TBXAS1: variants seen among roughly 807,000 people sequenced by gnomAD.
The protein encoded by TBXAS1 is thromboxane A synthase 1.
TBXAS1 carries 48 observed loss-of-function variants against 60.7 expected under a neutral mutation model. The ratio of observed to expected loss-of-function variants is 0.79; its 90% CI spans 0.63 to 1.01. TBXAS1 has a LOEUF of 1.01. Among genes scored for constraint, TBXAS1 ranks in the 50% least tolerant of loss-of-function variants. The probability of loss-of-function intolerance (pLI) is 0.00; values close to 1 mark genes in which losing one functional copy is unlikely to be tolerated. For synonymous variants in TBXAS1, 287 were observed against 269.7 expected (o/e 1.06, Z -0.63); for missense variants, 685 against 686.3 (o/e 1.00, Z 0.02).
intron 3 of TBXAS1, among the ~76,000 whole-genome samples, chr7:139,877,511 C>T (rs1802335991): frequency 7.2e-6 from 1 of 139,286 alleles, no homozygotes; most frequent in African/African-American, 2.7e-5. Flanking sequence ...CAACCTCTGC[C>T]TCCTGAGCTC....
intron 3 of TBXAS1, among the ~76,000 whole-genome samples, chr7:139,783,891 C>G (rs553394534): frequency 2.3e-4 from 35 of 152,182 alleles, no homozygotes; most frequent in African/African-American, 8.4e-4. Flanking sequence ...TTTCTTAGCC[C>G]CTCCCCTGCT....
chr7:139,790,641 G>A (rs761141647), intron 4 of TBXAS1, among the ~76,000 whole-genome samples: 9 of 152,160 alleles, frequency 5.9e-5, no homozygotes, highest in Admixed American at 1.3e-4. Flanking sequence ...ATAGTAATAA[G>A]CAAAAATTCA....
At chr7:139,926,487 T>C (rs1360446853) in intron 4 of TBXAS1, among the ~76,000 whole-genome samples, 1 of 152,194 alleles carries the variant, frequency 6.6e-6, no homozygotes, top group Admixed American at 6.5e-5. Context: ...CATCTCTTTT[T>C]TCATCTCTGA....
chr7:139,871,008 G>T (rs1801783049), intron 1 of TBXAS1, among the ~76,000 whole-genome samples: 1 of 152,192 alleles, frequency 6.6e-6, no homozygotes, highest in African/African-American at 2.4e-5. Context: ...AGAATCACTT[G>T]AGCCCAGGAG....
At chr7:139,897,308 A>C (rs998426203) in intron 3 of TBXAS1, among the ~76,000 whole-genome samples, 1 of 123,294 alleles carries the variant, frequency 8.1e-6, no homozygotes, top group Admixed American at 1.0e-4. Context: ...TTCAGTCGGT[A>C]TGATCAGGAT....
intron 9 of TBXAS1, among the ~76,000 whole-genome samples, chr7:140,006,460 A>G (rs1814084716): frequency 6.6e-6 from 1 of 152,160 alleles, no homozygotes; most frequent in Non-Finnish European, 1.5e-5. Context: ...TGCAAATGGA[A>G]TCTCATTGGA....
intron 3 of TBXAS1, among the ~76,000 whole-genome samples, chr7:139,894,650 G>A (rs555274714): frequency 1.3e-5 from 2 of 152,106 alleles, no homozygotes; most frequent in Non-Finnish European, 2.9e-5. Context: ...TTCTACCATC[G>A]GTTCTCCATT....
intron 4 of TBXAS1, 77 bp downstream of exon 4, chr7:139,911,398 G>A (rs1805509396): frequency 7.7e-7 from 1 of 1,296,010 alleles, no homozygotes; most frequent in African/African-American, 1.5e-5. Flanking sequence ...AGATCCAATG[G>A]GGATGCAATC....
chr7:139,962,687 C>A, intron 9 of TBXAS1: 1 of 212,864 alleles, frequency 4.7e-6, no homozygotes, highest in South Asian at 7.4e-5. Context: ...AGACTGGAAG[C>A]TGAGGAGGAG....
chr7:139,869,423 T>A (rs1801660503), intron 1 of TBXAS1, among the ~76,000 whole-genome samples: 2 of 152,092 alleles, frequency 1.3e-5, no homozygotes. Flanking sequence ...AGTCTCACTC[T>A]GTCACCCAGG....
In TBXAS1 at chr7:139,908,065, C is replaced by T. The variant is rs1257257321; in HGVS notation, c.237-3160C>T. Among the ~76,000 whole-genome samples the T allele has an allele frequency of 4.0e-5, 6 of 151,712 alleles. No individual in the cohort carries two copies. In the South Asian group the frequency reaches 6.2e-4, roughly 16 times the overall value. ...CTCTTTTATCTTTGTTAGTCTTGTT[C>T]GAGGTTTATCCATTTTATTGATATT... On this transcript the variant is annotated intron_variant, in intron 3 of 12. Coordinates refer to ENST00000448866, the MANE Select transcript of TBXAS1 (RefSeq NM_001061.7).
intron 3 of TBXAS1, among the ~76,000 whole-genome samples, chr7:139,889,506 G>A (rs112863525): frequency 1.3e-5 from 2 of 152,178 alleles, no homozygotes; most frequent in African/African-American, 4.8e-5. Context: ...TAATCCGTTG[G>A]AGCTTGTCCT....
At chr7:139,984,432 C>T (rs1012164870) in intron 9 of TBXAS1, among the ~76,000 whole-genome samples, 1 of 151,968 alleles carries the variant, frequency 6.6e-6, no homozygotes, top group Admixed American at 6.5e-5. Context: ...AGAGCCTCAG[C>T]ACCTGCGTTC....
At chr7:140,011,340 A>AAG (rs1479678922) in intron 10 of TBXAS1, among the ~76,000 whole-genome samples, 2 of 9,560 alleles carry the variant, frequency 2.1e-4, no homozygotes, top group African/African-American at 4.0e-4. Context: ...AATAAAAAAA[A>AAG]AAGAAAAAAA....
intron 3 of TBXAS1, among the ~76,000 whole-genome samples, chr7:139,885,431 A>C (rs1336817353): frequency 6.6e-6 from 1 of 152,246 alleles, no homozygotes; most frequent in African/African-American, 2.4e-5. Flanking sequence ...TAAAACAGTC[A>C]TGAATCACTG....
chr7:140,002,835 T>C (rs1293964725), intron 9 of TBXAS1, among the ~76,000 whole-genome samples: 1 of 152,026 alleles, frequency 6.6e-6, no homozygotes, highest in Non-Finnish European at 1.5e-5. Context: ...AAAATCTGGC[T>C]GTTTCTGGCT....
intron 7 of TBXAS1, among the ~76,000 whole-genome samples, chr7:139,955,932 G>A (rs542682534): frequency 6.6e-6 from 1 of 152,266 alleles, no homozygotes; most frequent in East Asian, 1.9e-4. Context: ...AAATATTCTT[G>A]TCCCTATTTC....
Position 139,875,626 on chromosome 7 carries a change from A to C in TBXAS1, c.225A>C (p.Gly75=). ...ESQMELRKLY[G]PLCGYYLGRR... ...AAATGGAGCTCAGAAAGCTGTATGGACCTCTGTGTGGGTAAGAAGGAAACT... is the reference window on the plus strand; with the variant it reads ...AAATGGAGCTCAGAAAGCTGTATGGCCCTCTGTGTGGGTAAGAAGGAAACT... Residue 75 remains glycine, a synonymous_variant, in exon 3 of 13, where the codon GGA becomes GGC. Transcript: ENST00000448866. The C allele has an allele frequency of 6.2e-7, 1 of 1,613,142 alleles. No individual in the cohort carries two copies. Among genetic ancestry groups the C allele is most frequent in the South Asian group, 1.1e-5 (1 of 91,076 alleles).
At chr7:139,952,453 G>A (rs576732151) in intron 5 of TBXAS1, 1 of 1,369,934 alleles carries the variant, frequency 7.3e-7, no homozygotes, top group Admixed American at 2.7e-5. Context: ...TGTCTTTCAT[G>A]AGAAATGCTC....
Sources: gnomAD v4.1 joint callset for allele counts (sites outside exome capture counted in the v4.1 genomes callset) on GRCh38, gnomAD v4.1.1 for gene constraint, MANE v1.5 for transcripts, NCBI Gene and HGNC (gene_info 2026-07-23, HGNC 2026-07-21) for gene names.